The following MBOAT2 variants were observed in gnomAD, a reference collection of about 807,000 sequenced individuals.
MBOAT2 encodes the protein membrane bound glycerophospholipid O-acyltransferase 2.
A neutral mutation model predicts 63.4 loss-of-function variants in MBOAT2; 28 were observed. The observed-to-expected ratio is 0.44, with a 90% CI of 0.33 to 0.61. The LOEUF (loss-of-function observed/expected upper bound fraction) is 0.61, where lower values mean the gene tolerates loss of function less well. MBOAT2 is among the 20% of genes least tolerant of loss of function. The probability of loss-of-function intolerance (pLI) is 0.03; values close to 1 mark genes in which losing one functional copy is unlikely to be tolerated. For missense variants in MBOAT2, 470 were observed against 605.8 expected, an observed-to-expected ratio of 0.78 and a Z score of 2.35; for synonymous variants, 211 against 215.6, an observed-to-expected ratio of 0.98 and a Z score of 0.19.
intron 3 of MBOAT2, among the ~76,000 whole-genome samples, chr2:8,917,446 A>G (rs1392413866): frequency 1.3e-5 from 2 of 152,222 alleles, no homozygotes; most frequent in East Asian, 3.8e-4. Context: ...AAATGTCCCA[A>G]AAGAAGATAC....
At chr2:8,967,952 C>T (rs986686030) in intron 1 of MBOAT2, among the ~76,000 whole-genome samples, 1 of 152,084 alleles carries the variant, frequency 6.6e-6, no homozygotes, top group African/African-American at 2.4e-5. Flanking sequence ...ATAGGAACAG[C>T]TCCAGTCTAC....
chr2:8,864,354 G>A, intron 9 of MBOAT2, 120 bp from the exon 10 acceptor site: 1 of 484,984 alleles, frequency 2.1e-6, no homozygotes, highest in South Asian at 4.2e-5. Flanking sequence ...GTAGTATAGT[G>A]ATTTCTCTTT....
At chr2:8,871,908 A>G (rs976333638) in intron 8 of MBOAT2, among the ~76,000 whole-genome samples, 1 of 152,232 alleles carries the variant, frequency 6.6e-6, no homozygotes, top group Non-Finnish European at 1.5e-5. Flanking sequence ...TCTTAAGAAT[A>G]AAGGAGTTTA....
chr2:8,906,850 A>G (rs1665368581), intron 4 of MBOAT2, among the ~76,000 whole-genome samples: 1 of 152,260 alleles, frequency 6.6e-6, no homozygotes, highest in Non-Finnish European at 1.5e-5. Context: ...TGGTTAAAAG[A>G]GCAACAAAAT....
chr2:8,869,071 C>T (rs1333594512), intron 8 of MBOAT2, among the ~76,000 whole-genome samples: 1 of 152,050 alleles, frequency 6.6e-6, no homozygotes, highest in African/African-American at 2.4e-5. Context: ...AAAATAGAGA[C>T]AGGGTCTCCC....
chr2:8,876,180 A>T (rs1662685181), intron 7 of MBOAT2, among the ~76,000 whole-genome samples: 1 of 152,256 alleles, frequency 6.6e-6, no homozygotes, highest in Non-Finnish European at 1.5e-5. Flanking sequence ...TTTATGAAGC[A>T]GCATCCCAGC....
chr2:8,899,971 C>T (rs1664792740), intron 4 of MBOAT2, among the ~76,000 whole-genome samples: 1 of 152,170 alleles, frequency 6.6e-6, no homozygotes, highest in Non-Finnish European at 1.5e-5. Flanking sequence ...GGGTAATAAA[C>T]TTATCTTTTA....
chr2:8,952,809 T>C (rs990714702), intron 2 of MBOAT2, among the ~76,000 whole-genome samples: 1 of 152,148 alleles, frequency 6.6e-6, no homozygotes. Flanking sequence ...GCTTTTGTTT[T>C]TTCCATTTGC....
chr2:8,862,308 C>T lies in MBOAT2; in HGVS notation c.1185+282G>A, dbSNP rs935840380. 1.5e-6 allele frequency: 2 copies of T among 1,358,496 alleles called. No homozygotes were observed. The highest frequency in any genetic ancestry group is 1.5e-5 in the African/African-American group (1 of 68,650). The allele number at this position is 1,358,496 out of a possible 1,614,324, so 84.2% of individuals were successfully genotyped here. A position where few individuals can be genotyped will look rare whatever the true frequency, so the allele number is the denominator to read the frequency against. ...TCTTTATTTAACTCAGTTTTTATCT[C>T]TCCTTCAGAAAATTCTGTAAAGACA... On this transcript the variant is annotated intron_variant, in intron 11 of 12. Coordinates refer to ENST00000305997, the MANE Select transcript of MBOAT2 (RefSeq NM_138799.4). The surrounding 1 kb of genome is among the most constrained non-coding windows in gnomAD (Gnocchi z 4.3).
intron 9 of MBOAT2, among the ~76,000 whole-genome samples, chr2:8,867,413 C>T (rs1661978430): frequency 6.6e-6 from 1 of 152,160 alleles, no homozygotes; most frequent in Admixed American, 6.5e-5. Flanking sequence ...TTCTGATTCT[C>T]TCCTCCAGGG....
intron 1 of MBOAT2, among the ~76,000 whole-genome samples, chr2:8,971,441 C>G (rs1670447212): frequency 1.3e-5 from 2 of 152,178 alleles, no homozygotes; most frequent in South Asian, 4.1e-4. Flanking sequence ...GAAACATTCC[C>G]TTTGAAAACT....
At chr2:8,927,034 G>A (rs185537241) in intron 3 of MBOAT2, among the ~76,000 whole-genome samples, 160 of 152,318 alleles carry the variant, frequency 1.1e-3, no homozygotes, top group African/African-American at 3.7e-3. Context: ...AGGAAGAAGG[G>A]ATGATTTATT....
At chr2:8,940,213 C>T (rs952713825) in intron 3 of MBOAT2, among the ~76,000 whole-genome samples, 5 of 152,080 alleles carry the variant, frequency 3.3e-5, no homozygotes, top group Admixed American at 1.3e-4. Context: ...AGAGAAGGAA[C>T]GGATATACTA....
chr2:8,983,934 C>T (rs1170345088), intron 1 of MBOAT2, among the ~76,000 whole-genome samples: 8 of 152,110 alleles, frequency 5.3e-5, no homozygotes, highest in Non-Finnish European at 7.4e-5. Context: ...CAATCAATCT[C>T]AGCATACAGA....
intron 1 of MBOAT2, among the ~76,000 whole-genome samples, chr2:8,971,922 T>G (rs891849013): frequency 1.3e-5 from 2 of 152,072 alleles, no homozygotes; most frequent in Admixed American, 1.3e-4. Context: ...GAATCAATAT[T>G]GTGAAAATGG....
chr2:8,920,536 T>C (rs1264787586), intron 3 of MBOAT2, among the ~76,000 whole-genome samples: 2 of 151,172 alleles, frequency 1.3e-5, no homozygotes, highest in African/African-American at 4.9e-5. Context: ...ATATAACTTT[T>C]AGGAAAAGCT....
chr2:8,919,630 G>C (rs890966335), intron 3 of MBOAT2, among the ~76,000 whole-genome samples: 1 of 152,076 alleles, frequency 6.6e-6, no homozygotes, highest in African/African-American at 2.4e-5. Context: ...TCCTGTATCA[G>C]ACACATGTTT....
At chr2:8,966,729 T>C (rs1005330770) in intron 1 of MBOAT2, among the ~76,000 whole-genome samples, 1 of 152,160 alleles carries the variant, frequency 6.6e-6, no homozygotes, top group Non-Finnish European at 1.5e-5. Flanking sequence ...CAATACCAAA[T>C]GCAGACTACA....
intron 1 of MBOAT2, among the ~76,000 whole-genome samples, chr2:8,969,580 T>C (rs550913923): frequency 1.3e-4 from 20 of 152,164 alleles, no homozygotes; most frequent in South Asian, 1.2e-3. Context: ...GACTGGCAAA[T>C]TGGACAGAGT....
Sources: gnomAD v4.1 joint callset for allele counts (sites outside exome capture counted in the v4.1 genomes callset) on GRCh38, gnomAD v4.1.1 for gene constraint, Gnocchi (gnomAD v3.1) non-coding constraint, MANE v1.5 for transcripts, NCBI Gene and HGNC (gene_info 2026-07-23, HGNC 2026-07-21) for gene names.